RNPEPL1: variants seen among roughly 807,000 people sequenced by gnomAD.
RNPEPL1 encodes the protein aminopeptidase RNPEPL1.
A neutral mutation model predicts 69.0 loss-of-function variants in RNPEPL1; 46 were observed. That is an observed-to-expected ratio of 0.67 (90% confidence interval 0.53 to 0.85). RNPEPL1 has a LOEUF of 0.85. RNPEPL1 is among the 40% of genes least tolerant of loss of function. The pLI, the probability that RNPEPL1 is intolerant of heterozygous loss-of-function variation, is 0.00. For synonymous variants in RNPEPL1, 525 were observed against 454.1 expected, an observed-to-expected ratio of 1.16 and a Z score of -1.98; for missense variants, 869 against 992.5, an observed-to-expected ratio of 0.88 and a Z score of 1.67.
intron 10 of RNPEPL1, among the ~76,000 whole-genome samples, chr2:240,577,247 A>G (rs929571256): frequency 6.6e-6 from 1 of 152,174 alleles, no homozygotes; most frequent in Non-Finnish European, 1.5e-5. Flanking sequence ...CCAGGCCACC[A>G]CAGCCTGCTG....
Position 240,574,556 on chromosome 2 carries a change from G to T in RNPEPL1, c.1216G>T (p.Ala406Ser). 6.2e-7 allele frequency: 1 copy of T among 1,612,846 alleles called. No individual in the cohort carries two copies. The highest frequency in any genetic ancestry group is 8.5e-7 in the Non-Finnish European group (1 of 1,179,906). Residue 406 changes from alanine (A) to serine (S), a missense_variant, in exon 6 of 11, where the codon GCC becomes TCC. By Grantham distance (99) the Ala-to-Ser change is moderately conservative (BLOSUM62 1). Transcript: ENST00000270357. ...CCTGGAGACTGCCTTCCGCCTGGAC[G>T]CCCTGCACCGGCAGATGAAGCTTCT... ...TCLETAFRLD[A>S]LHRQMKLLGE...
At position 240,573,774 on chromosome 2, in the gene RNPEPL1, G is replaced by A; in HGVS notation, c.822-1G>A. The A allele has an allele frequency of 6.5e-7, 1 of 1,534,370 alleles. No individual in the cohort carries two copies. Among genetic ancestry groups the A allele is most frequent in the Non-Finnish European group, 8.8e-7 (1 of 1,137,932 alleles). ...CAGCTCACCCTCTCTGCATGCACCA[G>A]GAGCCGCGTGTGGGCCGAGCCATGC... On this transcript the variant is annotated splice_acceptor_variant, in intron 3 of 10. Coordinates refer to ENST00000270357, the MANE Select transcript of RNPEPL1 (RefSeq NM_018226.6). LOFTEE classifies it high-confidence loss of function.
chr2:240,569,143 G>A (rs1262431890), intron 1 of RNPEPL1, 29 bp downstream of exon 1: 1 of 1,429,820 alleles, frequency 7.0e-7, no homozygotes, highest in Admixed American at 2.8e-5. Context: ...CCGGGGCTGC[G>A]GGCCGGTCCG....
chr2:240,576,814 G>T, intron 9 of RNPEPL1, 34 bp from the exon 10 acceptor site: 3 of 1,612,574 alleles, frequency 1.9e-6, no homozygotes, highest in Non-Finnish European at 2.5e-6. Context: ...GGGTGCAACA[G>T]CGGCCCAGCC....
intron 1 of RNPEPL1, among the ~76,000 whole-genome samples, chr2:240,570,412 G>A (rs2093017908): frequency 6.6e-6 from 1 of 152,220 alleles, no homozygotes; most frequent in Admixed American, 6.5e-5. Context: ...AGCGTCACCT[G>A]GCCTGTGAGC....
Position 240,577,968 on chromosome 2 carries a change from C to T in RNPEPL1, c.*76C>T, listed in dbSNP as rs187377234. 375 of 1,356,290 alleles carry T rather than the reference C, an allele frequency of 2.8e-4. 2 individuals are homozygous for T. In the South Asian group the frequency reaches 3.9e-3, roughly 14 times the overall value. The allele number at this position is 1,356,290 out of a possible 1,614,324, so 84.0% of individuals were successfully genotyped here. On this transcript the variant is annotated 3_prime_UTR_variant, in exon 11 of 11. Transcript: ENST00000270357. The stretch of plus-strand genomic sequence containing the variant: ...CTGTGGGCCAGGCCTGCCATGACTG[C>T]GTCTCGGCTCTGGCCATGAGCTCTG...
At position 240,572,417 on chromosome 2, in the gene RNPEPL1, C is replaced by T. The variant is rs953477214; in HGVS notation, c.529-6C>T. 6.5e-7 allele frequency: 1 copy of T among 1,536,018 alleles called. No homozygotes were observed. Among genetic ancestry groups the T allele is most frequent in the Non-Finnish European group, 8.7e-7 (1 of 1,146,732 alleles). ...GCCGTCTGCTGATGGGCCATCCTGC[C>T]CACAGATCTGGTGGCTGGACCCAGA... On this transcript the variant is annotated splice_polypyrimidine_tract_variant and splice_region_variant and intron_variant, in intron 1 of 10. Transcript: ENST00000270357.
chr2:240,575,669 C>CCCGCCTGCCA, intron 8 of RNPEPL1, 59 bp downstream of exon 8: 2 of 1,376,628 alleles, frequency 1.5e-6, no homozygotes, highest in Non-Finnish European at 2.1e-6. Context: ...CAGGCGGGGC[C>CCCGCCTGCCA]TCTGCTGCCT....
At chr2:240,570,738 A>C (rs1575435249) in intron 1 of RNPEPL1, among the ~76,000 whole-genome samples, 1 of 152,116 alleles carries the variant, frequency 6.6e-6, no homozygotes, top group African/African-American at 2.4e-5. Context: ...GGAGCCCTTC[A>C]GCCTTGTTCC....
At chr2:240,575,253 G>T in intron 7 of RNPEPL1, 111 bp downstream of exon 7, 1 of 910,120 alleles carries the variant, frequency 1.1e-6, no homozygotes, top group South Asian at 1.4e-5. Flanking sequence ...GCAGGGGCCT[G>T]TGAGCCTGGC....
intron 1 of RNPEPL1, among the ~76,000 whole-genome samples, chr2:240,570,190 C>T (rs924433807): frequency 3.9e-5 from 6 of 152,238 alleles, no homozygotes; most frequent in Non-Finnish European, 5.9e-5. Flanking sequence ...TTGGAGCCCA[C>T]GTGTCTGGTC....
rs761585224 is a variant in RNPEPL1, at chr2:240,576,829, C to T, written c.1742-19C>T. 1.9e-6 allele frequency: 3 copies of T among 1,612,926 alleles called. No homozygotes were observed. The highest frequency in any genetic ancestry group is 3.3e-5 in the Admixed American group (2 of 60,028). The stretch of plus-strand genomic sequence containing the variant: ...GGGTGCAACAGCGGCCCAGCCCTGA[C>T]CTGCCCCCTGCGCTGCAGAGGTGGT... On this transcript the variant is annotated intron_variant, in intron 9 of 10. Coordinates refer to ENST00000270357, the MANE Select transcript of RNPEPL1 (RefSeq NM_018226.6).
intron 8 of RNPEPL1, chr2:240,576,207 T>C (rs1171487783): frequency 2.3e-6 from 1 of 428,036 alleles, no homozygotes; most frequent in Non-Finnish European, 4.2e-6. Flanking sequence ...CCGCCCCTGC[T>C]GGTTCATGGC....
At chr2:240,574,698 C>T (rs1351256303) in intron 6 of RNPEPL1, 70 bp downstream of exon 6, 43 of 1,288,602 alleles carry the variant, frequency 3.3e-5, no homozygotes, top group African/African-American at 5.9e-5. Flanking sequence ...GCCTGCCCTT[C>T]GTGTGTTCTG....
At position 240,574,982 on chromosome 2, in the gene RNPEPL1, GAC is replaced by G. The variant is rs778937690; in HGVS notation, c.1289-45_1289-44del. 1.4e-5 allele frequency: 20 copies of G among 1,412,576 alleles called. No individual in the cohort carries two copies. The South Asian group carries it at 2.3e-4, about 16-fold the overall frequency. The allele number at this position is 1,412,576 out of a possible 1,614,324, so 87.5% of individuals were successfully genotyped here. A position where few individuals can be genotyped will look rare whatever the true frequency, so the allele number is the denominator to read the frequency against. On this transcript the variant is annotated intron_variant, in intron 6 of 10. Coordinates refer to ENST00000270357, the MANE Select transcript of RNPEPL1 (RefSeq NM_018226.6). ...ACCACTGCCCCTCCCTATTCCACGG[GAC>G]ACTGGTGGTTTCGGACGCCAGCCCA...
intron 8 of RNPEPL1, chr2:240,575,909 G>A (rs1381928838): frequency 2.9e-5 from 13 of 442,728 alleles, no homozygotes; most frequent in East Asian, 1.3e-4. Context: ...GGCGGGTGAC[G>A]GGGGTGTCCT....
intron 6 of RNPEPL1, 50 bp downstream of exon 6, chr2:240,574,678 A>C (rs1157418461): frequency 6.9e-7 from 1 of 1,442,824 alleles, no homozygotes; most frequent in Admixed American, 1.8e-5. Flanking sequence ...TCACCCCTCA[A>C]GGCCTCCTTG....
intron 1 of RNPEPL1, among the ~76,000 whole-genome samples, chr2:240,571,174 G>C (rs2093020388): frequency 6.6e-6 from 1 of 152,188 alleles, no homozygotes; most frequent in South Asian, 2.1e-4. Flanking sequence ...GGCTCAGCAG[G>C]AATGGGAGAC....
chr2:240,576,288 G>A (rs757386323), intron 8 of RNPEPL1: 1 of 577,388 alleles, frequency 1.7e-6, no homozygotes, highest in Non-Finnish European at 3.1e-6. Context: ...GAGAGGCGTG[G>A]AGTGGGTGCG....
Sources: gnomAD v4.1 joint callset for allele counts (sites outside exome capture counted in the v4.1 genomes callset) on GRCh38, gnomAD v4.1.1 for gene constraint, MANE v1.5 for transcripts, NCBI Gene and HGNC (gene_info 2026-07-23, HGNC 2026-07-21) for gene names.